Variants in OPCML observed in about 807,000 individuals in gnomAD.
OPCML encodes opioid binding protein/cell adhesion molecule like, also known as opioid-binding protein/cell adhesion molecule.
In OPCML, 13 loss-of-function variants were observed where a neutral mutation model predicts 37.8. The ratio of observed to expected loss-of-function variants is 0.34; its 90% CI spans 0.22 to 0.55. The LOEUF (loss-of-function observed/expected upper bound fraction) is 0.55, where lower values mean the gene tolerates loss of function less well. OPCML is among the 20% of genes least tolerant of loss of function. OPCML has a pLI of 0.91. For missense variants in OPCML, 341 were observed against 435.6 expected (o/e 0.78, Z 1.93); for synonymous variants, 176 against 168.8 (o/e 1.04, Z -0.33).
chr11:133,415,308 G>A (rs1317993820), intron 1 of OPCML, among the ~76,000 whole-genome samples: 1 of 149,506 alleles, frequency 6.7e-6, no homozygotes, highest in Non-Finnish European at 1.5e-5. Flanking sequence ...TACTCGGGAG[G>A]CTGAGGCAGG....
intron 3 of OPCML, among the ~76,000 whole-genome samples, chr11:132,570,025 A>G (rs2096433683): frequency 6.6e-6 from 1 of 152,214 alleles, no homozygotes; most frequent in African/African-American, 2.4e-5. Context: ...GAAAGAAGAA[A>G]TCAGTAAACT....
chr11:133,377,612 G>GAAAAAAAAA (rs71477791), intron 1 of OPCML, among the ~76,000 whole-genome samples: 21 of 79,082 alleles, frequency 2.7e-4, no homozygotes, highest in South Asian at 5.0e-4. Flanking sequence ...CCAGTATTCA[G>GAAAAAAAAA]AAAAAAAAAA....
chr11:132,728,110 C>A (rs1944949492), intron 2 of OPCML, among the ~76,000 whole-genome samples: 1 of 152,230 alleles, frequency 6.6e-6, no homozygotes, highest in Non-Finnish European at 1.5e-5. Context: ...AAAACGTGTG[C>A]CGCGCCTGTA....
chr11:133,170,946 C>T (rs2136268489), intron 1 of OPCML, among the ~76,000 whole-genome samples: 1 of 152,304 alleles, frequency 6.6e-6, no homozygotes, highest in East Asian at 1.9e-4. Flanking sequence ...ACTCAGAGTT[C>T]CTGAGCCTTA....
intron 1 of OPCML, among the ~76,000 whole-genome samples, chr11:133,271,143 G>T (rs1007027207): frequency 6.6e-6 from 1 of 152,114 alleles, no homozygotes; most frequent in Non-Finnish European, 1.5e-5. Context: ...TATACCCTTT[G>T]TGCGTCTAAA....
At chr11:132,655,136 G>T (rs1037586255) in intron 3 of OPCML, among the ~76,000 whole-genome samples, 1 of 152,178 alleles carries the variant, frequency 6.6e-6, no homozygotes, top group Non-Finnish European at 1.5e-5. Context: ...ATCTATCTTC[G>T]TTCTTGAAAA....
chr11:132,951,962 A>G (rs1945869860), intron 1 of OPCML, among the ~76,000 whole-genome samples: 1 of 152,248 alleles, frequency 6.6e-6, no homozygotes. Context: ...AAATATCTGC[A>G]TTTATCTAAT....
intron 2 of OPCML, among the ~76,000 whole-genome samples, chr11:132,767,646 G>T (rs1946496556): frequency 6.6e-6 from 1 of 152,152 alleles, no homozygotes; most frequent in African/African-American, 2.4e-5. Flanking sequence ...CCAAGAGTCA[G>T]CTGCATCATT....
intron 1 of OPCML, among the ~76,000 whole-genome samples, chr11:132,981,909 G>T (rs1161416007): frequency 6.6e-6 from 1 of 152,122 alleles, no homozygotes; most frequent in Non-Finnish European, 1.5e-5. Context: ...GACCTTGTAA[G>T]GAGAAAAATG....
intron 3 of OPCML, among the ~76,000 whole-genome samples, chr11:132,636,216 C>T (rs1940486153): frequency 6.6e-6 from 1 of 152,014 alleles, no homozygotes; most frequent in African/African-American, 2.4e-5. Flanking sequence ...TGTTATTTCC[C>T]TAAAATCCAG....
intron 3 of OPCML, among the ~76,000 whole-genome samples, chr11:132,599,946 C>A (rs2137769053): frequency 1.3e-5 from 2 of 152,248 alleles, no homozygotes; most frequent in Middle Eastern, 6.8e-3. Flanking sequence ...TGTAACCGAA[C>A]AATCATTATT....
chr11:133,358,791 G>A (rs1944348619), intron 1 of OPCML, among the ~76,000 whole-genome samples: 1 of 151,880 alleles, frequency 6.6e-6, no homozygotes, highest in African/African-American at 2.4e-5. Context: ...TTTGAGCAGA[G>A]CCCTGAATGG....
intron 1 of OPCML, among the ~76,000 whole-genome samples, chr11:133,511,109 C>A (rs989225507): frequency 6.6e-6 from 1 of 152,148 alleles, no homozygotes; most frequent in Non-Finnish European, 1.5e-5. Flanking sequence ...CTCCGTGAAT[C>A]CACTCTCTCT....
chr11:132,813,774 T>C (rs777258636), intron 2 of OPCML, among the ~76,000 whole-genome samples: 4 of 152,140 alleles, frequency 2.6e-5, no homozygotes, highest in African/African-American at 7.2e-5. Context: ...AACTCCTACC[T>C]TAATTCTCAT....
At chr11:133,151,167 G>A (rs1565474537) in intron 1 of OPCML, among the ~76,000 whole-genome samples, 1 of 152,010 alleles carries the variant, frequency 6.6e-6, no homozygotes, top group Non-Finnish European at 1.5e-5. Flanking sequence ...CAGCTACTCA[G>A]GAGGCTGAGG....
chr11:132,917,528 T>C (rs906117077), intron 2 of OPCML, among the ~76,000 whole-genome samples: 5 of 152,190 alleles, frequency 3.3e-5, no homozygotes, highest in Non-Finnish European at 5.9e-5. Flanking sequence ...TAGCAATTAA[T>C]GGAGCTGGGA....
intron 4 of OPCML, among the ~76,000 whole-genome samples, chr11:132,506,798 A>G (rs1411357506): frequency 1.3e-5 from 2 of 152,182 alleles, no homozygotes; most frequent in Non-Finnish European, 2.9e-5. Flanking sequence ...AGCACAAGAT[A>G]CAAAACATGA....
intron 1 of OPCML, among the ~76,000 whole-genome samples, chr11:133,152,679 A>G (rs1418230952): frequency 6.6e-6 from 1 of 151,994 alleles, no homozygotes; most frequent in Non-Finnish European, 1.5e-5. Context: ...AATTGTAATT[A>G]ATTTCTCTCT....
chr11:133,114,103 C>A (rs958357906), intron 1 of OPCML, among the ~76,000 whole-genome samples: 13 of 152,300 alleles, frequency 8.5e-5, no homozygotes, highest in Admixed American at 7.2e-4. Context: ...GGAAGAATTT[C>A]CACATAAACC....
Sources: allele counts gnomAD v4.1 joint callset (sites outside exome capture counted in the v4.1 genomes callset), GRCh38; gene constraint gnomAD v4.1.1; transcripts MANE v1.5; gene names NCBI Gene and HGNC (gene_info 2026-07-23, HGNC 2026-07-21).